Variants in PDSS2 observed in about 807,000 individuals in gnomAD.
PDSS2 encodes decaprenyl diphosphate synthase subunit 2.
PDSS2 carries 31 observed loss-of-function variants against 44.5 expected under a neutral mutation model. That is an observed-to-expected ratio of 0.70 (90% CI 0.52 to 0.94). The LOEUF (loss-of-function observed/expected upper bound fraction) is 0.94, where lower values mean the gene tolerates loss of function less well. PDSS2 is among the 40% of genes least tolerant of loss of function. PDSS2 has a pLI of 0.00. For missense variants in PDSS2, 452 were observed against 482.2 expected (o/e 0.94, Z 0.59); for synonymous variants, 157 against 180.3 (o/e 0.87, Z 1.03).
chr6:107,301,372 A>G (rs2115064798), intron 2 of PDSS2, among the ~76,000 whole-genome samples: 1 of 152,306 alleles, frequency 6.6e-6, no homozygotes, highest in Middle Eastern at 3.4e-3. Flanking sequence ...TTCCCATTCA[A>G]AGTAACTTGC....
At chr6:107,421,071 T>C (rs1316755470) in intron 1 of PDSS2, among the ~76,000 whole-genome samples, 4 of 152,188 alleles carry the variant, frequency 2.6e-5, no homozygotes, top group Admixed American at 2.6e-4. Context: ...GATGTAAGTA[T>C]GGCAAATCAG....
intron 3 of PDSS2, among the ~76,000 whole-genome samples, chr6:107,247,682 T>C (rs1041211878): frequency 1.8e-4 from 28 of 151,974 alleles, no homozygotes; most frequent in Non-Finnish European, 3.8e-4. Flanking sequence ...TTGCCTGAAA[T>C]GTTTATTTTT....
At position 107,153,353 on chromosome 6, in the gene PDSS2, C is replaced by T. The variant is rs897645748; in HGVS notation, c.*1266G>A. The T allele has an allele frequency of 1.3e-5, 2 of 152,476 alleles. No individual in the cohort carries two copies. Among genetic ancestry groups the T allele is most frequent in the African/African-American group, 2.4e-5 (1 of 41,414 alleles). 9.4% of individuals were successfully genotyped at this position (152,476 alleles called of 1,614,324 possible). On this transcript the variant is annotated 3_prime_UTR_variant, in exon 8 of 8. Transcript: ENST00000369037. ...CTATGAACCACACAGAGACAGTGTC[C>T]GATTGCAGGCCTGTGAGATTGCTTA...
chr6:107,246,650 A>G (rs925170731), intron 3 of PDSS2, among the ~76,000 whole-genome samples: 2 of 152,244 alleles, frequency 1.3e-5, no homozygotes, highest in Admixed American at 6.5e-5. Flanking sequence ...CCTGGGTTTA[A>G]TAAACATTTT....
chr6:107,364,785 A>G (rs1317590465), intron 1 of PDSS2, among the ~76,000 whole-genome samples: 2 of 152,232 alleles, frequency 1.3e-5, no homozygotes, highest in African/African-American at 4.8e-5. Flanking sequence ...GGCTCTGAGG[A>G]CTGCCAGCAT....
intron 4 of PDSS2, among the ~76,000 whole-genome samples, chr6:107,212,868 G>T (rs537218898): frequency 1.6e-4 from 25 of 151,966 alleles, no homozygotes; most frequent in African/African-American, 6.0e-4. Flanking sequence ...GCTAGGCAAG[G>T]GGGTGTGCCC....
At chr6:107,287,015 G>T (rs1042457869) in intron 2 of PDSS2, among the ~76,000 whole-genome samples, 1 of 151,856 alleles carries the variant, frequency 6.6e-6, no homozygotes, top group Non-Finnish European at 1.5e-5. Context: ...ACTCCAGCCT[G>T]GTGACAGAGC....
intron 1 of PDSS2, among the ~76,000 whole-genome samples, chr6:107,356,734 A>C (rs912274547): frequency 6.6e-6 from 1 of 152,210 alleles, no homozygotes; most frequent in Non-Finnish European, 1.5e-5. Flanking sequence ...AAACTCTCCA[A>C]ACTGTCAGTG....
chr6:107,430,381 T>C (rs1781158416), intron 1 of PDSS2, among the ~76,000 whole-genome samples: 1 of 151,886 alleles, frequency 6.6e-6, no homozygotes, highest in African/African-American at 2.4e-5. Context: ...GCATCTATAA[T>C]CTCAGCTACT....
In PDSS2 at chr6:107,458,878, C is replaced by A. The variant is rs865855961; in HGVS notation, c.296+112G>T. 1.0e-4 allele frequency: 93 copies of A among 924,284 alleles called. No homozygotes were observed. In the African/African-American group the frequency reaches 1.3e-3, roughly 13 times the overall value. The allele number at this position is 924,284 out of a possible 1,614,324, so 57.3% of individuals were successfully genotyped here. A position where few individuals can be genotyped will look rare whatever the true frequency, so the allele number is the denominator to read the frequency against. ...AGGAGGAGTGAGTAAAAAGGAAGGA[C>A]TAAAAAGAGATAAATCAGGAGCCAG... is the stretch of plus-strand genomic sequence containing the variant. On this transcript the variant is annotated intron_variant, in intron 1 of 7. Transcript: ENST00000369037.
chr6:107,242,726 C>T (rs1774485018), intron 4 of PDSS2, among the ~76,000 whole-genome samples: 1 of 152,024 alleles, frequency 6.6e-6, no homozygotes, highest in Non-Finnish European at 1.5e-5. Context: ...AAGATGGGGT[C>T]TTCCCATGTT....
intron 1 of PDSS2, among the ~76,000 whole-genome samples, chr6:107,345,467 C>T (rs1778212725): frequency 6.6e-6 from 1 of 151,146 alleles, no homozygotes; most frequent in Admixed American, 6.6e-5. Context: ...TGTACTTGAA[C>T]AAGTGGAAAG....
At chr6:107,364,042 A>C (rs1169079755) in intron 1 of PDSS2, among the ~76,000 whole-genome samples, 1 of 152,216 alleles carries the variant, frequency 6.6e-6, no homozygotes, top group Admixed American at 6.5e-5. Flanking sequence ...TCACCAGAGC[A>C]GCTAGATACA....
intron 3 of PDSS2, among the ~76,000 whole-genome samples, chr6:107,257,727 T>C (rs1337566387): frequency 6.6e-6 from 1 of 152,088 alleles, no homozygotes; most frequent in Non-Finnish European, 1.5e-5. Context: ...TTAGCAATTC[T>C]TGTGCCTTGA....
chr6:107,401,614 T>C (rs1372254843), intron 1 of PDSS2, among the ~76,000 whole-genome samples: 1 of 152,108 alleles, frequency 6.6e-6, no homozygotes, highest in Non-Finnish European at 1.5e-5. Context: ...TTAAAAATAC[T>C]GATTTTAAAG....
At chr6:107,293,306 C>G (rs1776405977) in intron 2 of PDSS2, among the ~76,000 whole-genome samples, 1 of 152,184 alleles carries the variant, frequency 6.6e-6, no homozygotes, top group South Asian at 2.1e-4. Flanking sequence ...AGCAAAACGA[C>G]TGTCCTATTT....
intron 6 of PDSS2, among the ~76,000 whole-genome samples, chr6:107,202,620 G>T (rs1299866046): frequency 6.6e-6 from 1 of 152,114 alleles, no homozygotes; most frequent in Non-Finnish European, 1.5e-5. Context: ...TGCTATCTTG[G>T]TCATTCTCTA....
intron 1 of PDSS2, among the ~76,000 whole-genome samples, chr6:107,354,017 AACT>A (rs1410837763): frequency 6.6e-6 from 1 of 152,214 alleles, no homozygotes; most frequent in African/African-American, 2.4e-5. Flanking sequence ...ATATCAATAA[AACT>A]ACTATCGTAC....
intron 1 of PDSS2, among the ~76,000 whole-genome samples, chr6:107,337,508 T>C (rs1777942519): frequency 6.6e-6 from 1 of 152,238 alleles, no homozygotes; most frequent in Admixed American, 6.5e-5. Flanking sequence ...TCTAAGGCTA[T>C]GACCTCTTGT....
Sources: allele counts gnomAD v4.1 joint callset (sites outside exome capture counted in the v4.1 genomes callset), GRCh38; gene constraint gnomAD v4.1.1; transcripts MANE v1.5; gene names NCBI Gene and HGNC (gene_info 2026-07-23, HGNC 2026-07-21).